The following PARVA variants were observed in gnomAD, a reference collection of about 807,000 sequenced individuals.
PARVA encodes the protein alpha-parvin.
In PARVA, 25 loss-of-function variants were observed where a neutral mutation model predicts 52.6. The ratio of observed to expected loss-of-function variants is 0.48; its 90% confidence interval spans 0.35 to 0.66. The LOEUF is 0.66. Among genes scored for constraint, PARVA ranks in the 30% least tolerant of loss-of-function variants. The pLI is 0.01. For synonymous variants in PARVA, 185 were observed against 179.1 expected (o/e 1.03, Z -0.26); for missense variants, 373 against 450.9 (o/e 0.83, Z 1.56).
intron 1 of PARVA, among the ~76,000 whole-genome samples, chr11:12,400,676 CTT>C (rs960388837): frequency 3.2e-4 from 49 of 152,224 alleles, no homozygotes; most frequent in African/African-American, 1.1e-3. Context: ...CCTTCCGTCT[CTT>C]TTTTGTGAGT....
intron 1 of PARVA, among the ~76,000 whole-genome samples, chr11:12,405,799 AAT>A (rs1939896153): frequency 1.3e-5 from 2 of 152,096 alleles, no homozygotes; most frequent in Admixed American, 1.3e-4. Flanking sequence ...TCTACTAAAA[AAT>A]ACAAAAATTA....
chr11:12,494,822 A>C (rs1941277961), intron 4 of PARVA, among the ~76,000 whole-genome samples: 1 of 151,430 alleles, frequency 6.6e-6, no homozygotes, highest in African/African-American at 2.4e-5. Flanking sequence ...GCTCCTCCTC[A>C]CTCCTCTCCT....
intron 1 of PARVA, among the ~76,000 whole-genome samples, chr11:12,387,776 GC>G (rs1375449440): frequency 6.6e-6 from 1 of 151,358 alleles, no homozygotes; most frequent in Non-Finnish European, 1.5e-5. Flanking sequence ...GGGTGGGGGT[GC>G]AGGGGGTGAC....
In PARVA at chr11:12,514,020, G is replaced by T. The variant is rs1344980053; in HGVS notation, c.822G>T (p.Lys274Asn). Residue 274 changes from lysine to asparagine, a missense_variant, in exon 10 of 13, where the codon AAG (lysine) becomes AAT (asparagine). Physicochemically the swap from Lys to Asn is moderately conservative, Grantham distance 94. Coordinates refer to ENST00000334956, the MANE Select transcript of PARVA (RefSeq NM_018222.5). ...AGACACTCATCACTTTCGTGAACAA[G>T]CACCTGAATAAACTGAACCTGGAGG... ...VKKTLITFVN[K>N]HLNKLNLEVT... 6 of 1,613,968 alleles carry T rather than the reference G, an allele frequency of 3.7e-6. No individual in the cohort carries two copies. Among genetic ancestry groups the T allele is most frequent in the Non-Finnish European group, 5.1e-6 (6 of 1,179,958 alleles).
chr11:12,378,478 A>G (rs1444756721), intron 1 of PARVA, among the ~76,000 whole-genome samples: 3 of 152,162 alleles, frequency 2.0e-5, no homozygotes, highest in Non-Finnish European at 4.4e-5. Flanking sequence ...CGTGAGACAC[A>G]AACTTCGTCA....
chr11:12,511,785 T>C (rs1941505329), intron 8 of PARVA, among the ~76,000 whole-genome samples: 1 of 152,188 alleles, frequency 6.6e-6, no homozygotes, highest in African/African-American at 2.4e-5. Context: ...TTTGTAGCTA[T>C]TGATGTTCAC....
Position 12,523,244 on chromosome 11 carries a change from T to TAGAG in PARVA, c.1043-4603_1043-4600dup, listed in dbSNP as rs533069503. Among the ~76,000 whole-genome samples the TAGAG allele has an allele frequency of 3.2e-3, 482 of 152,066 alleles. 2 individuals carry two copies. The highest frequency in any genetic ancestry group is 0.011 in the African/African-American group (457 of 41,458). On this transcript the variant is annotated intron_variant, in intron 12 of 12. Coordinates refer to ENST00000334956, the MANE Select transcript of PARVA (RefSeq NM_018222.5). ...GCCCCGGTGGGGAATAGAGAGCAGGTAGAGATGCGAGACAGGATGAGATAG... is the reference window on the plus strand; with the variant it reads ...GCCCCGGTGGGGAATAGAGAGCAGGTAGAGAGAGATGCGAGACAGGATGAGATAG...
At chr11:12,508,702 T>C (rs1941466537) in intron 7 of PARVA, 60 bp downstream of exon 7, 1 of 1,241,338 alleles carries the variant, frequency 8.1e-7, no homozygotes, top group African/African-American at 1.5e-5. Flanking sequence ...TTCTCTGAAA[T>C]TCATCCATTT....
chr11:12,419,251 A>G (rs1467313653), intron 1 of PARVA, among the ~76,000 whole-genome samples: 1 of 152,114 alleles, frequency 6.6e-6, no homozygotes. Flanking sequence ...CTGAAACCCT[A>G]TACCCATTAA....
Position 12,377,673 on chromosome 11 carries a change from C to T in PARVA, c.26C>T (p.Pro9Leu), listed in dbSNP as rs1939415099. MATSPQKS[P>L]SVPKSPTPKS... ...ATGGCCACCTCCCCGCAGAAGTCGC[C>T]TTCTGTCCCCAAGTCTCCCACTCCC... The change falls in exon 1 of 13, where the codon CCT (proline) becomes CTT (leucine). Residue 9 changes from proline to leucine, a missense_variant. Transcript: ENST00000334956. 6.4e-7 allele frequency: 1 copy of T among 1,569,860 alleles called. No homozygotes were observed. Among genetic ancestry groups the T allele is most frequent in the Non-Finnish European group, 8.6e-7 (1 of 1,162,836 alleles).
At position 12,474,951 on chromosome 11, in the gene PARVA, C is replaced by CAA. The variant is rs373253926; in HGVS notation, c.297+983_297+984dup. On this transcript the variant is annotated intron_variant, in intron 3 of 12. Transcript: ENST00000334956. Reference sequence around the variant, plus strand: ...ACTGCACTCCAGCCTGACCCTGTCTCAAAAAAAAAAAAAAAATAGCACTGG... The same window carrying CAA: ...ACTGCACTCCAGCCTGACCCTGTCTCAAAAAAAAAAAAAAAAAATAGCACTGG... Among the ~76,000 whole-genome samples the CAA allele has an allele frequency of 3.6e-3, 453 of 126,868 alleles. 2 individuals carry two copies. Among genetic ancestry groups the CAA allele is most frequent in the Middle Eastern group, 0.021 (5 of 236 alleles). The allele number at this position is 126,868 out of a possible 152,430, so 83.2% of individuals were successfully genotyped here.
At chr11:12,386,082 C>T (rs1356345957) in intron 1 of PARVA, among the ~76,000 whole-genome samples, 3 of 152,200 alleles carry the variant, frequency 2.0e-5, no homozygotes, top group African/African-American at 7.2e-5. Context: ...GTTATCCACC[C>T]AGCTAGGCTT....
In PARVA at chr11:12,533,119, C is replaced by A. The variant is rs949483797; in HGVS notation, c.*5194C>A. Among the ~76,000 whole-genome samples the A allele has an allele frequency of 7.2e-5, 11 of 152,180 alleles. No individual in the cohort carries two copies. The highest frequency in any genetic ancestry group is 2.7e-4 in the African/African-American group (11 of 41,454). On this transcript the variant is annotated 3_prime_UTR_variant, in exon 13 of 13. Transcript: ENST00000334956. ...CATAGCTCCTCCTAACCTGCTGCTG[C>A]TGATGGACAGGAACTCCTGGACTAC...
At chr11:12,463,045 T>A (rs957517172) in intron 1 of PARVA, among the ~76,000 whole-genome samples, 2 of 150,482 alleles carry the variant, frequency 1.3e-5, no homozygotes, top group African/African-American at 4.8e-5. Flanking sequence ...CTATATATTT[T>A]TAGGATAGTT....
intron 1 of PARVA, among the ~76,000 whole-genome samples, chr11:12,422,445 A>G (rs1940163915): frequency 6.6e-6 from 1 of 152,262 alleles, no homozygotes; most frequent in African/African-American, 2.4e-5. Flanking sequence ...AGAGTAATGT[A>G]CAATGCCCCT....
At chr11:12,478,836 C>G (rs1188215024) in intron 4 of PARVA, 1 of 152,250 alleles carries the variant, frequency 6.6e-6, no homozygotes, top group African/African-American at 2.4e-5. Context: ...ATTCCCTACA[C>G]AGCTAGCAGA....
intron 1 of PARVA, among the ~76,000 whole-genome samples, chr11:12,411,589 G>T (rs751721277): frequency 6.6e-5 from 10 of 151,940 alleles, no homozygotes; most frequent in Admixed American, 2.0e-4. Flanking sequence ...TGTTTTTGAT[G>T]GCCTCGGCAC....
At chr11:12,378,171 C>G (rs1225608703) in intron 1 of PARVA, among the ~76,000 whole-genome samples, 2 of 152,076 alleles carry the variant, frequency 1.3e-5, no homozygotes, top group African/African-American at 2.4e-5. Context: ...CCTCTGCGCC[C>G]GAAGGCTGGC....
intron 12 of PARVA, 49 bp downstream of exon 12, chr11:12,518,566 C>A: frequency 7.6e-7 from 1 of 1,320,792 alleles, no homozygotes; most frequent in African/African-American, 1.4e-5. Context: ...GACCCTCTCC[C>A]TGCACATGAG....
Sources: gnomAD v4.1 joint callset for allele counts (sites outside exome capture counted in the v4.1 genomes callset) on GRCh38, gnomAD v4.1.1 for gene constraint, MANE v1.5 for transcripts, NCBI Gene and HGNC (gene_info 2026-07-23, HGNC 2026-07-21) for gene names.